DCDC2C: variants seen among roughly 807,000 people sequenced by gnomAD.
DCDC2C encodes doublecortin domain-containing protein 2C.
In DCDC2C, 44 loss-of-function variants were observed where a neutral mutation model predicts 45.0. The ratio of observed to expected loss-of-function variants is 0.98; its 90% CI spans 0.77 to 1.26. DCDC2C has a LOEUF of 1.26. Ranked by LOEUF, DCDC2C falls within the 50% of genes most tolerant of loss-of-function variation. The probability of loss-of-function intolerance (pLI) is 0.00; values close to 1 mark genes in which losing one functional copy is unlikely to be tolerated. For missense variants in DCDC2C, 447 were observed against 468.9 expected (o/e 0.95, Z 0.43); for synonymous variants, 187 against 178.8 (o/e 1.05, Z -0.37).
In DCDC2C at chr2:3,818,551, G is replaced by A. The variant is rs755131086; in HGVS notation, c.1066-28603G>A. ...CAGTTTTTGGACAGGTACAATGGGG[G>A]AATTGTAAGAAGAGTTTATATAGGC... On this transcript the variant is annotated intron_variant, in intron 10 of 10. Coordinates refer to ENST00000399143, the MANE Select transcript of DCDC2C (RefSeq NM_001287444.2). The surrounding 1 kb of genome is among the most constrained non-coding windows in gnomAD (Gnocchi z 4.7). Among the ~76,000 whole-genome samples the A allele has an allele frequency of 2.0e-5, 3 of 152,146 alleles. No individual in the cohort carries two copies. Among genetic ancestry groups the A allele is most frequent in the Non-Finnish European group, 4.4e-5 (3 of 68,036 alleles).
At chr2:3,827,518 C>T (rs1028369109) in intron 10 of DCDC2C, among the ~76,000 whole-genome samples, 14 of 152,146 alleles carry the variant, frequency 9.2e-5, no homozygotes, top group African/African-American at 3.1e-4. Flanking sequence ...ATACATTATG[C>T]TAATTGGGGT....
intron 3 of DCDC2C, among the ~76,000 whole-genome samples, chr2:3,736,927 C>T (rs1192596954): frequency 1.3e-5 from 2 of 152,156 alleles, no homozygotes; most frequent in African/African-American, 4.8e-5. Flanking sequence ...ATCAAAATGC[C>T]TGTAACCTCC....
At chr2:3,729,997 C>T (rs148043533) in intron 3 of DCDC2C, among the ~76,000 whole-genome samples, 6 of 152,178 alleles carry the variant, frequency 3.9e-5, no homozygotes, top group Admixed American at 2.0e-4. Context: ...CCTTGTAGAA[C>T]AACCACCACC....
At chr2:3,724,497 T>C (rs2148067784) in intron 2 of DCDC2C, among the ~76,000 whole-genome samples, 2 of 152,258 alleles carry the variant, frequency 1.3e-5, no homozygotes, top group Middle Eastern at 3.4e-3. Flanking sequence ...AAAACACAGT[T>C]CTGTTAATGA....
At chr2:3,806,579 G>A (rs10178523) in intron 10 of DCDC2C, among the ~76,000 whole-genome samples, 33,524 of 148,508 alleles carry the variant, frequency 0.23, 3,871 homozygotes, top group South Asian at 0.36. Context: ...GTCTCTCACC[G>A]TCATCCAGGC....
chr2:3,708,557 AT>A lies in DCDC2C; in HGVS notation c.297del (p.His99GlnfsTer2), dbSNP rs1668127844. 1 of 1,546,914 alleles carries A rather than the reference AT, an allele frequency of 6.5e-7. No homozygotes were observed. Among genetic ancestry groups the A allele is most frequent in the South Asian group, 1.2e-5 (1 of 83,560 alleles). On this transcript the variant is annotated frameshift_variant, in exon 2 of 11. Transcript: ENST00000399143. LOFTEE classifies it high-confidence loss of function. ...TCTTTCTTCTTTTGCAGTTATATTCATATAGTTCCCCGAAAACCTGCAAAGA... is the reference window on the plus strand; with the variant it reads ...TCTTTCTTCTTTTGCAGTTATATTCAATAGTTCCCCGAAAACCTGCAAAGA... ...RERFKELDYI[H>X]IVPRKPAKIR...
intron 1 of DCDC2C, among the ~76,000 whole-genome samples, chr2:3,707,889 C>G (rs1431005497): frequency 6.6e-6 from 1 of 152,166 alleles, no homozygotes; most frequent in African/African-American, 2.4e-5. Flanking sequence ...AAAACAATAA[C>G]AATCTCAAAT....
intron 4 of DCDC2C, among the ~76,000 whole-genome samples, chr2:3,748,874 G>A (rs1669453120): frequency 6.6e-6 from 1 of 152,150 alleles, no homozygotes; most frequent in Non-Finnish European, 1.5e-5. Context: ...TTAATGGGGG[G>A]AAACTGGCTG....
At chr2:3,815,037 A>G (rs2148217645) in intron 10 of DCDC2C, among the ~76,000 whole-genome samples, 1 of 152,400 alleles carries the variant, frequency 6.6e-6, no homozygotes, top group Middle Eastern at 3.4e-3. Context: ...GACAGCAGGC[A>G]GCTGCAGCTG....
intron 2 of DCDC2C, among the ~76,000 whole-genome samples, chr2:3,709,060 A>T (rs2148042142): frequency 6.6e-6 from 1 of 152,344 alleles, no homozygotes; most frequent in South Asian, 2.1e-4. Flanking sequence ...TTATCATTTG[A>T]TTCTTAGTAA....
At chr2:3,769,235 T>G in intron 7 of DCDC2C, 76 bp from the exon 8 acceptor site, 1 of 1,422,170 alleles carries the variant, frequency 7.0e-7, no homozygotes, top group South Asian at 1.3e-5. Flanking sequence ...GTAACTTGGG[T>G]TTGGGTCAGG....
At chr2:3,790,962 G>T (rs1018943518) in intron 10 of DCDC2C, among the ~76,000 whole-genome samples, 2 of 152,002 alleles carry the variant, frequency 1.3e-5, no homozygotes, top group Non-Finnish European at 2.9e-5. Flanking sequence ...TAAAAAAAAT[G>T]AGCCAGGCGT....
At chr2:3,746,573 C>T (rs1669368495) in intron 4 of DCDC2C, among the ~76,000 whole-genome samples, 1 of 152,240 alleles carries the variant, frequency 6.6e-6, no homozygotes. Context: ...ATGATCTCCA[C>T]TCTCCGTTTT....
chr2:3,779,530 T>C (rs1235522811), intron 9 of DCDC2C, among the ~76,000 whole-genome samples: 2 of 152,384 alleles, frequency 1.3e-5, no homozygotes, highest in African/African-American at 4.8e-5. Context: ...AAATGTATCA[T>C]TTTTAGCTAA....
intron 10 of DCDC2C, among the ~76,000 whole-genome samples, chr2:3,800,233 A>C (rs936576563): frequency 1.3e-5 from 2 of 152,100 alleles, no homozygotes; most frequent in African/African-American, 2.4e-5. Context: ...CAGCTCGCAC[A>C]CGGTGCGCGC....
chr2:3,751,828 A>G (rs1669552128), intron 4 of DCDC2C, among the ~76,000 whole-genome samples: 1 of 152,170 alleles, frequency 6.6e-6, no homozygotes, highest in African/African-American at 2.4e-5. Flanking sequence ...CCCGCTCACT[A>G]GTGCTAAAAC....
intron 10 of DCDC2C, among the ~76,000 whole-genome samples, chr2:3,807,376 C>T (rs1671278694): frequency 6.6e-6 from 1 of 152,116 alleles, no homozygotes; most frequent in Admixed American, 6.5e-5. Context: ...GTGTATAGCT[C>T]TGTAAAGTCT....
chr2:3,735,627 G>C lies in DCDC2C; in HGVS notation c.417-6293G>C, dbSNP rs116438562. Among the ~76,000 whole-genome samples the C allele has an allele frequency of 6.3e-3, 953 of 152,268 alleles. 15 individuals are homozygous for C. Among genetic ancestry groups the C allele is most frequent in the African/African-American group, 0.022 (922 of 41,526 alleles). ...GTAGGGGCCTCAGTAAATCCTTGAG[G>C]CATAACGGTCCAGGAATATGGTTCA... On this transcript the variant is annotated intron_variant, in intron 3 of 10. Coordinates refer to ENST00000399143, the MANE Select transcript of DCDC2C (RefSeq NM_001287444.2).
intron 2 of DCDC2C, among the ~76,000 whole-genome samples, chr2:3,721,638 C>T (rs1413935868): frequency 5.3e-5 from 8 of 152,160 alleles, no homozygotes; most frequent in South Asian, 4.1e-4. Context: ...GTAACTTCTA[C>T]GGTTCCCATG....
Sources: gnomAD v4.1 joint callset for allele counts (sites outside exome capture counted in the v4.1 genomes callset) on GRCh38, gnomAD v4.1.1 for gene constraint, Gnocchi (gnomAD v3.1) non-coding constraint, MANE v1.5 for transcripts, NCBI Gene and HGNC (gene_info 2026-07-23, HGNC 2026-07-21) for gene names.